The following SLC16A9 variants were observed in gnomAD, a reference collection of about 807,000 sequenced individuals.
The protein encoded by SLC16A9 is monocarboxylate transporter 9.
A neutral mutation model predicts 44.3 loss-of-function variants in SLC16A9; 26 were observed. The ratio of observed to expected loss-of-function variants is 0.59; its 90% confidence interval spans 0.43 to 0.81. SLC16A9 has a LOEUF of 0.81. SLC16A9 is among the 40% of genes least tolerant of loss of function. The pLI is 0.00. For synonymous variants in SLC16A9, 230 were observed against 225.1 expected, an observed-to-expected ratio of 1.02 and a Z score of -0.19; for missense variants, 559 against 595.8, an observed-to-expected ratio of 0.94 and a Z score of 0.64.
At chr10:59,660,367 A>G (rs1588963503) in intron 4 of SLC16A9, among the ~76,000 whole-genome samples, 1 of 152,354 alleles carries the variant, frequency 6.6e-6, no homozygotes, top group East Asian at 1.9e-4. Context: ...AGAATACTAT[A>G]AACACCTCTA....
rs1166361694 is a variant in SLC16A9, at chr10:59,664,224, T to C, written c.436+3A>G. Reference sequence around the variant, plus strand: ...CAATACTGTACTCATTTTGAAAATATACCTGTTGAAATCAGGCCAAGCGCT... The same window carrying C: ...CAATACTGTACTCATTTTGAAAATACACCTGTTGAAATCAGGCCAAGCGCT... On this transcript the variant is annotated splice_donor_region_variant and intron_variant, in intron 4 of 5. Coordinates refer to ENST00000395348, the MANE Select transcript of SLC16A9 (RefSeq NM_194298.3). The C allele has an allele frequency of 1.2e-5, 19 of 1,602,218 alleles. No individual in the cohort carries two copies. The highest frequency in any genetic ancestry group is 1.6e-5 in the Non-Finnish European group (19 of 1,170,838).
At chr10:59,683,594 T>C (rs1161041361) in intron 2 of SLC16A9, among the ~76,000 whole-genome samples, 2 of 152,232 alleles carry the variant, frequency 1.3e-5, no homozygotes, top group African/African-American at 4.8e-5. Flanking sequence ...CCACAGGACA[T>C]GTGATTTGAC....
chr10:59,668,781 T>C (rs1839681481), intron 3 of SLC16A9, among the ~76,000 whole-genome samples: 1 of 152,196 alleles, frequency 6.6e-6, no homozygotes, highest in African/African-American at 2.4e-5. Context: ...ATTATGTAGA[T>C]ACTGCCTCAG....
intron 1 of SLC16A9, among the ~76,000 whole-genome samples, chr10:59,687,826 G>A (rs1276599344): frequency 6.6e-6 from 1 of 152,032 alleles, no homozygotes; most frequent in Non-Finnish European, 1.5e-5. Context: ...GACTGGTGTG[G>A]TGGTGCAGCT....
intron 1 of SLC16A9, among the ~76,000 whole-genome samples, chr10:59,685,721 A>G (rs995752120): frequency 6.6e-6 from 1 of 152,236 alleles, no homozygotes; most frequent in Non-Finnish European, 1.5e-5. Flanking sequence ...GCTTATAGGC[A>G]TATTTGTTAG....
chr10:59,693,768 C>G (rs1045048693), intron 1 of SLC16A9, among the ~76,000 whole-genome samples: 1 of 151,136 alleles, frequency 6.6e-6, no homozygotes, highest in Non-Finnish European at 1.5e-5. Context: ...TACAGGCGCC[C>G]GCCACCACAC....
At chr10:59,670,275 T>A (rs1408319449) in intron 3 of SLC16A9, among the ~76,000 whole-genome samples, 1 of 152,148 alleles carries the variant, frequency 6.6e-6, no homozygotes, top group East Asian at 1.9e-4. Flanking sequence ...CTCATATCAG[T>A]GCCATTTTAT....
intron 1 of SLC16A9, among the ~76,000 whole-genome samples, chr10:59,689,566 C>G (rs542000917): frequency 2.0e-5 from 3 of 152,268 alleles, no homozygotes; most frequent in African/African-American, 7.2e-5. Context: ...TTTATGGATC[C>G]CCATGAAAGT....
At chr10:59,672,581 T>G (rs1424752262) in intron 3 of SLC16A9, among the ~76,000 whole-genome samples, 189 bp downstream of exon 3, 1 of 152,250 alleles carries the variant, frequency 6.6e-6, no homozygotes, top group African/African-American at 2.4e-5. Flanking sequence ...TGTTTGTTCT[T>G]TCAAACATTT....
At position 59,653,686 on chromosome 10, in the gene SLC16A9, G is replaced by T. The variant is rs376096069; in HGVS notation, c.1340C>A (p.Pro447Gln). ...GATAAATATCTTACCAACGATGGGTGGTCCTAGGCTATTTCCAAGTCCAGC... is the reference window on the plus strand; with the variant it reads ...GATAAATATCTTACCAACGATGGGTTGTCCTAGGCTATTTCCAAGTCCAGC... ...FFAGLGNSLG[P>Q]PIVGWFYDWT... The change falls in exon 5 of 6, where the codon CCA becomes CAA. Residue 447 changes from proline to glutamine, a missense_variant. Physicochemically the swap from Pro to Gln is moderately conservative, Grantham distance 76. Transcript: ENST00000395348. 1 of 1,608,196 alleles carries T rather than the reference G, an allele frequency of 6.2e-7. No homozygotes were observed. The highest frequency in any genetic ancestry group is 8.5e-7 in the Non-Finnish European group (1 of 1,176,624).
chr10:59,659,466 T>A (rs2132411734), intron 4 of SLC16A9, among the ~76,000 whole-genome samples: 1 of 152,276 alleles, frequency 6.6e-6, no homozygotes, highest in East Asian at 1.9e-4. Flanking sequence ...TAAATATATA[T>A]GCACCCAATA....
intron 2 of SLC16A9, among the ~76,000 whole-genome samples, chr10:59,673,941 T>A (rs547077937): frequency 6.6e-6 from 1 of 152,206 alleles, no homozygotes; most frequent in African/African-American, 2.4e-5. Flanking sequence ...ACAACCCATA[T>A]ACTTTCAATT....
chr10:59,693,671 G>A (rs1218218380), intron 1 of SLC16A9, among the ~76,000 whole-genome samples: 1 of 152,124 alleles, frequency 6.6e-6, no homozygotes, highest in Non-Finnish European at 1.5e-5. Flanking sequence ...CCAGGCTGGA[G>A]TGCAGTGGCG....
chr10:59,678,789 C>T (rs1050483900), intron 2 of SLC16A9, among the ~76,000 whole-genome samples: 5 of 149,926 alleles, frequency 3.3e-5, no homozygotes, highest in Non-Finnish European at 5.9e-5. Context: ...ATGATCCACC[C>T]GCCTCGGCCT....
chr10:59,696,360 C>T (rs1289584151), intron 1 of SLC16A9, among the ~76,000 whole-genome samples: 1 of 152,246 alleles, frequency 6.6e-6, no homozygotes, highest in African/African-American at 2.4e-5. Flanking sequence ...CCAGCCTCGG[C>T]CTCCCGAGTT....
At chr10:59,697,981 C>A (rs10993969) in intron 1 of SLC16A9, among the ~76,000 whole-genome samples, 1,174 of 116,238 alleles carry the variant, frequency 0.01, 12 homozygotes, top group African/African-American at 0.022. Context: ...AAACAAAAAA[C>A]AAAACAAAAC....
chr10:59,701,934 G>A (rs894542806), intron 1 of SLC16A9, among the ~76,000 whole-genome samples: 3 of 152,258 alleles, frequency 2.0e-5, no homozygotes, highest in African/African-American at 7.2e-5. Flanking sequence ...GTCTCACACC[G>A]ATTTAAGCAT....
At chr10:59,698,156 T>G (rs1840443487) in intron 1 of SLC16A9, among the ~76,000 whole-genome samples, 1 of 152,244 alleles carries the variant, frequency 6.6e-6, no homozygotes, top group South Asian at 2.1e-4. Context: ...GTTACTGGAT[T>G]ATTTAGAAAT....
At chr10:59,677,331 TC>T (rs1239740514) in intron 2 of SLC16A9, among the ~76,000 whole-genome samples, 6 of 151,972 alleles carry the variant, frequency 3.9e-5, no homozygotes, top group Non-Finnish European at 7.4e-5. Context: ...TCTCAAGTGA[TC>T]CTCCTGCCTC....
Sources: gnomAD v4.1 joint callset for allele counts (sites outside exome capture counted in the v4.1 genomes callset) on GRCh38, gnomAD v4.1.1 for gene constraint, MANE v1.5 for transcripts, NCBI Gene and HGNC (gene_info 2026-07-23, HGNC 2026-07-21) for gene names.